USP6NL: variants seen among roughly 807,000 people sequenced by gnomAD.
USP6NL encodes the protein USP6 N-terminal-like protein.
A neutral mutation model predicts 61.9 loss-of-function variants in USP6NL; 26 were observed. That is an observed-to-expected ratio of 0.42 (90% CI 0.31 to 0.58). The LOEUF is 0.58. USP6NL is among the 20% of genes least tolerant of loss of function. The pLI, the probability that USP6NL is intolerant of heterozygous loss-of-function variation, is 0.16. For missense variants in USP6NL, 1,114 were observed against 1,034.3 expected (o/e 1.08, Z -1.06); for synonymous variants, 432 against 390.1 (o/e 1.11, Z -1.27).
rs1837485598 is a variant in USP6NL at position 11,574,891 on chromosome 10, C to T, written c.4+22740G>A. Among the ~76,000 whole-genome samples, 1 of 152,162 alleles carries T rather than the reference C, an allele frequency of 6.6e-6. No individual in the cohort carries two copies. Among genetic ancestry groups the T allele is most frequent in the Non-Finnish European group, 1.5e-5 (1 of 68,020 alleles). ...AATCAGCCTTCTGCTTTCTCTCCAG[C>T]AAGCACCGTCTGTAAAAATGTCTAG... On this transcript the variant is annotated intron_variant, in intron 2 of 14. Coordinates refer to ENST00000609104, the MANE Select transcript of USP6NL (RefSeq NM_014688.5). This position sits in a 1 kb window ranked among gnomAD's most constrained non-coding sequence, Gnocchi z 4.3.
At position 11,482,650 on chromosome 10, in the gene USP6NL, AT is replaced by A. The variant is rs1833248374; in HGVS notation, c.926-729del. On this transcript the variant is annotated intron_variant, in intron 13 of 14. Coordinates refer to ENST00000609104, the MANE Select transcript of USP6NL (RefSeq NM_014688.5). This position sits in a 1 kb window ranked among gnomAD's most constrained non-coding sequence, Gnocchi z 4.0. ...CATTTCAACAAATATGATGTGTACT[AT>A]ATGTAAGCATTGTAATTTACTTAAA... is the stretch of plus-strand genomic sequence containing the variant. Among the ~76,000 whole-genome samples the A allele has an allele frequency of 6.6e-6, 1 of 152,210 alleles. No homozygotes were observed. Among genetic ancestry groups the A allele is most frequent in the Non-Finnish European group, 1.5e-5 (1 of 68,022 alleles).
intron 2 of USP6NL, among the ~76,000 whole-genome samples, chr10:11,594,238 A>G (rs1448532529): frequency 6.6e-6 from 1 of 152,234 alleles, no homozygotes; most frequent in Non-Finnish European, 1.5e-5. Context: ...CTACTAAGGA[A>G]CAATTTCTTT....
chr10:11,527,692 C>A, intron 2 of USP6NL, 125 bp from the exon 3 acceptor site: 2 of 841,432 alleles, frequency 2.4e-6, no homozygotes, highest in Non-Finnish European at 3.7e-6. Flanking sequence ...TCAACAAAAT[C>A]AAATAAAAGG....
At chr10:11,560,327 C>CAGA (rs1836874824) in intron 2 of USP6NL, among the ~76,000 whole-genome samples, 1 of 152,008 alleles carries the variant, frequency 6.6e-6, no homozygotes, top group South Asian at 2.1e-4. Context: ...AATCAAGGAT[C>CAGA]AGAAACATCA....
intron 5 of USP6NL, among the ~76,000 whole-genome samples, chr10:11,515,366 A>G (rs1834910135): frequency 6.6e-6 from 1 of 152,232 alleles, no homozygotes; most frequent in South Asian, 2.1e-4. Context: ...TCAAGTCTTC[A>G]GATGCTTTAA....
At chr10:11,609,911 A>G (rs1484825642) in intron 1 of USP6NL, among the ~76,000 whole-genome samples, 1 of 152,216 alleles carries the variant, frequency 6.6e-6, no homozygotes, top group Non-Finnish European at 1.5e-5. Flanking sequence ...AACATTATTA[A>G]AACTGGTAAT....
chr10:11,509,673 T>C lies in USP6NL; in HGVS notation c.198A>G (p.Gln66=). 1 of 1,557,972 alleles carries C rather than the reference T, an allele frequency of 6.4e-7. No individual in the cohort carries two copies. The highest frequency in any genetic ancestry group is 1.2e-5 in the South Asian group (1 of 83,158). ...LPDHNVAVER[Q]KHLEIERTTK... ...TAGTTCTTTCAATTTCCAGGTGCTT[T>C]TGCTAAAATAAAATTGAAATTCATT... The change falls in exon 6 of 15, where the codon CAA becomes CAG. Residue 66 remains glutamine (Q), a splice_region_variant and synonymous_variant. Transcript: ENST00000609104.
At position 11,592,951 on chromosome 10, in the gene USP6NL, T is replaced by C. The variant is rs1349105966; in HGVS notation, c.4+4680A>G. ...TGAATGAAGGTCTTTACTCCTATACTATTAGAAAACCACAAATACACTACA... is the reference window on the plus strand; with the variant it reads ...TGAATGAAGGTCTTTACTCCTATACCATTAGAAAACCACAAATACACTACA... On this transcript the variant is annotated intron_variant, in intron 2 of 14. Coordinates refer to ENST00000609104, the MANE Select transcript of USP6NL (RefSeq NM_014688.5). The surrounding 1 kb of genome is among the most constrained non-coding windows in gnomAD (Gnocchi z 4.7). 6.6e-6 allele frequency among the ~76,000 whole-genome samples: 1 copy of C among 152,232 alleles called. No homozygotes were observed. The highest frequency in any genetic ancestry group is 6.5e-5 in the Admixed American group (1 of 15,282).
intron 2 of USP6NL, among the ~76,000 whole-genome samples, chr10:11,554,733 T>G (rs1836613374): frequency 6.8e-6 from 1 of 147,242 alleles, no homozygotes; most frequent in South Asian, 2.1e-4. Flanking sequence ...ACAAGGCATA[T>G]GAAGACACAA....
rs1286324776 is a variant in USP6NL at position 11,537,369 on chromosome 10, C to T, written c.5-9802G>A. ...TGGGGCAATCCACCCACCTTGGCCT[C>T]CCAAAGTGCTACGATTATAGGCATG... is the stretch of plus-strand genomic sequence containing the variant. On this transcript the variant is annotated intron_variant, in intron 2 of 14. Coordinates refer to ENST00000609104, the MANE Select transcript of USP6NL (RefSeq NM_014688.5). This position sits in a 1 kb window ranked among gnomAD's most constrained non-coding sequence, Gnocchi z 5.1. Among the ~76,000 whole-genome samples the T allele has an allele frequency of 6.7e-6, 1 of 150,306 alleles. No homozygotes were observed. The highest frequency in any genetic ancestry group is 2.0e-4 in the East Asian group (1 of 5,080).
At chr10:11,530,101 CA>C (rs900768943) in intron 2 of USP6NL, among the ~76,000 whole-genome samples, 22,444 of 72,386 alleles carry the variant, frequency 0.31, 1,124 homozygotes, top group East Asian at 0.51. Flanking sequence ...GACCCTGTCT[CA>C]AAAAAAAAAA....
chr10:11,462,315 T>C lies in USP6NL; in HGVS notation c.*126A>G, dbSNP rs1291148683. 1.3e-5 allele frequency: 15 copies of C among 1,144,052 alleles called. No homozygotes were observed. Among genetic ancestry groups the C allele is most frequent in the Admixed American group, 8.6e-5 (3 of 35,010 alleles). 70.9% of individuals were successfully genotyped at this position (1,144,052 alleles called of 1,614,324 possible). A position where few individuals can be genotyped will look rare whatever the true frequency, so the allele number is the denominator to read the frequency against. ...TGAAGACATTTCCCTGTATTCTTACTACTAACAGACAGGAGAGATGTGCGA... is the reference window on the plus strand; with the variant it reads ...TGAAGACATTTCCCTGTATTCTTACCACTAACAGACAGGAGAGATGTGCGA... On this transcript the variant is annotated 3_prime_UTR_variant, in exon 15 of 15. Coordinates refer to ENST00000609104, the MANE Select transcript of USP6NL (RefSeq NM_014688.5).
chr10:11,471,769 T>C (rs1287460028), intron 14 of USP6NL, among the ~76,000 whole-genome samples: 1 of 133,136 alleles, frequency 7.5e-6, no homozygotes, highest in Non-Finnish European at 1.5e-5. Context: ...AGGTGGGAAC[T>C]GAACAATGAA....
At chr10:11,538,323 A>G (rs1591903664) in intron 2 of USP6NL, among the ~76,000 whole-genome samples, 1 of 152,164 alleles carries the variant, frequency 6.6e-6, no homozygotes. Flanking sequence ...ATTGCTAGTA[A>G]GGCAGAACTG....
rs1334897164 is a variant in USP6NL, at chr10:11,602,510, G to C, written c.-83-4793C>G. On this transcript the variant is annotated intron_variant, in intron 1 of 14. Coordinates refer to ENST00000609104, the MANE Select transcript of USP6NL (RefSeq NM_014688.5). This position sits in a 1 kb window ranked among gnomAD's most constrained non-coding sequence, Gnocchi z 4.8. ...TACTAGGCACCGCAGACACTGCCAA[G>C]AACAAAGCCAAGTCTCTCGCATCAT... 6.6e-6 allele frequency among the ~76,000 whole-genome samples: 1 copy of C among 152,174 alleles called. No homozygotes were observed. Among genetic ancestry groups the C allele is most frequent in the African/African-American group, 2.4e-5 (1 of 41,440 alleles).
At chr10:11,607,302 T>C (rs1175747158) in intron 1 of USP6NL, among the ~76,000 whole-genome samples, 1 of 152,182 alleles carries the variant, frequency 6.6e-6, no homozygotes, top group Non-Finnish European at 1.5e-5. Context: ...GATATGCCAA[T>C]GGACATTAAA....
chr10:11,502,507 C>T (rs2133312993), intron 6 of USP6NL, among the ~76,000 whole-genome samples: 1 of 152,204 alleles, frequency 6.6e-6, no homozygotes, highest in South Asian at 2.1e-4. Context: ...AGCAGAAGCC[C>T]TTCAGGTAAG....
chr10:11,526,920 C>T (rs922314874), intron 3 of USP6NL, among the ~76,000 whole-genome samples: 1 of 152,052 alleles, frequency 6.6e-6, no homozygotes, highest in Non-Finnish European at 1.5e-5. Context: ...ATCTAAGATC[C>T]ATGGTAAATT....
chr10:11,510,586 T>C lies in USP6NL; in HGVS notation c.196-911A>G, dbSNP rs180736183. On this transcript the variant is annotated intron_variant, in intron 5 of 14. Transcript: ENST00000609104. The surrounding 1 kb of genome is among the most constrained non-coding windows in gnomAD (Gnocchi z 4.8). ...GAGACGGAAAATGCTCGCTCTTCAC[T>C]TGTTTGGTTTCCAGGAGAAGGAATA... Among the ~76,000 whole-genome samples the C allele has an allele frequency of 9.2e-5, 14 of 152,278 alleles. No homozygotes were observed. The highest frequency in any genetic ancestry group is 3.9e-4 in the East Asian group (2 of 5,186).
Sources: gnomAD v4.1 joint callset for allele counts (sites outside exome capture counted in the v4.1 genomes callset) on GRCh38, gnomAD v4.1.1 for gene constraint, Gnocchi (gnomAD v3.1) non-coding constraint, MANE v1.5 for transcripts, NCBI Gene and HGNC (gene_info 2026-07-23, HGNC 2026-07-21) for gene names.